SORBS2: variants seen among roughly 807,000 people sequenced by gnomAD.
The protein encoded by SORBS2 is sorbin and SH3 domain containing 2.
A neutral mutation model predicts 97.7 loss-of-function variants in SORBS2; 46 were observed. The ratio of observed to expected loss-of-function variants is 0.47; its 90% confidence interval spans 0.37 to 0.60. The LOEUF (loss-of-function observed/expected upper bound fraction) is 0.60. SORBS2 is among the 20% of genes least tolerant of loss of function. The probability of loss-of-function intolerance (pLI) is 0.00; values close to 1 mark genes in which losing one functional copy is unlikely to be tolerated. For synonymous variants in SORBS2, 476 were observed against 473.4 expected (o/e 1.01, Z -0.07); for missense variants, 1,316 against 1,282.3 (o/e 1.03, Z -0.40).
intron 12 of SORBS2, among the ~76,000 whole-genome samples, chr4:185,595,190 T>G (rs933331438): frequency 2.6e-5 from 4 of 152,184 alleles, no homozygotes; most frequent in Non-Finnish European, 5.9e-5. Context: ...AACTGTAAGC[T>G]CTGACTCGGT....
chr4:185,867,740 A>C (rs2099227781), intron 1 of SORBS2, among the ~76,000 whole-genome samples: 1 of 152,050 alleles, frequency 6.6e-6, no homozygotes, highest in African/African-American at 2.4e-5. Flanking sequence ...AGGCATTAGG[A>C]CAGATGTAGT....
intron 4 of SORBS2, 37 bp from the exon 16 acceptor site, chr4:185,635,448 G>A: frequency 6.6e-7 from 1 of 1,509,658 alleles, no homozygotes. Context: ...GAAGTGTAGG[G>A]ATGGAATGGA....
At chr4:185,824,527 C>T (rs2099198692) in intron 1 of SORBS2, among the ~76,000 whole-genome samples, 1 of 152,132 alleles carries the variant, frequency 6.6e-6, no homozygotes, top group Admixed American at 6.5e-5. Flanking sequence ...TATGGTGTTA[C>T]AGCTATAATC....
intron 1 of SORBS2, among the ~76,000 whole-genome samples, chr4:185,934,653 G>T (rs979511063): frequency 1.3e-5 from 2 of 151,752 alleles, no homozygotes; most frequent in African/African-American, 4.8e-5. Flanking sequence ...ACATGGTGGC[G>T]GGCCCCTGTA....
At chr4:185,611,821 T>C (rs1296965433) in exon 12 of SORBS2, 1 of 1,614,000 alleles carries the variant, frequency 6.2e-7, no homozygotes, top group Non-Finnish European at 8.5e-7. Flanking sequence ...CTAGAATAGC[T>C]GTGGGGTATT....
At chr4:185,638,579 A>C (rs998500300) in intron 4 of SORBS2, among the ~76,000 whole-genome samples, 1 of 150,070 alleles carries the variant, frequency 6.7e-6, no homozygotes, top group African/African-American at 2.4e-5. Flanking sequence ...CCCTGCCCTC[A>C]TTGGTGGCTA....
At chr4:185,890,885 A>G (rs967399078) in intron 1 of SORBS2, among the ~76,000 whole-genome samples, 2 of 152,204 alleles carry the variant, frequency 1.3e-5, no homozygotes, top group Non-Finnish European at 2.9e-5. Context: ...ACAAAACTAT[A>G]AGAAACATTT....
rs117021623 is a variant in SORBS2 at position 185,617,998 on chromosome 4, A to G, written c.2351+587T>C. Among the ~76,000 whole-genome samples the G allele has an allele frequency of 4.6e-3, 707 of 152,242 alleles. 22 individuals are homozygous for G. In the East Asian group the frequency reaches 0.092, roughly 20 times the overall value. On this transcript the variant is annotated intron_variant, in intron 9 of 14. Transcript: ENST00000418609. ...ACTTATTCATTCTTTTTTTTGAGAC[A>G]GGGTCCTGCTCTGTTGCCCAGGCTA...
chr4:185,600,032 A>G (rs2153378625), intron 12 of SORBS2, among the ~76,000 whole-genome samples: 1 of 152,360 alleles, frequency 6.6e-6, no homozygotes, highest in South Asian at 2.1e-4. Context: ...TACCCAGGAC[A>G]CATATCTCGC....
At chr4:185,612,025 A>G in intron 11 of SORBS2, 45 bp from the exon 24 acceptor site, 1 of 1,254,286 alleles carries the variant, frequency 8.0e-7, no homozygotes, top group Non-Finnish European at 1.2e-6. Flanking sequence ...GAGATAGAAT[A>G]ACATGAAAAT....
At chr4:185,893,297 T>C (rs10022925) in intron 1 of SORBS2, among the ~76,000 whole-genome samples, 5,326 of 152,172 alleles carry the variant, frequency 0.035, 280 homozygotes, top group African/African-American at 0.11. Flanking sequence ...CATCTGCGAG[T>C]GTGAGCCTGG....
At chr4:185,634,367 T>G (rs949814248) in intron 4 of SORBS2, among the ~76,000 whole-genome samples, 4 of 152,156 alleles carry the variant, frequency 2.6e-5, no homozygotes, top group Admixed American at 2.6e-4. Flanking sequence ...AAATAAGATA[T>G]TTATTGTGTT....
intron 2 of SORBS2, among the ~76,000 whole-genome samples, chr4:185,651,165 T>G (rs1473310397): frequency 6.6e-6 from 1 of 152,090 alleles, no homozygotes; most frequent in African/African-American, 2.4e-5. Context: ...CAGGAGAAAG[T>G]GATGAAGGGA....
chr4:185,713,291 C>A (rs147165732), intron 2 of SORBS2, among the ~76,000 whole-genome samples: 1 of 152,206 alleles, frequency 6.6e-6, no homozygotes, highest in Non-Finnish European at 1.5e-5. Context: ...TATGCTCCAG[C>A]ACCTCTGTAT....
intron 1 of SORBS2, among the ~76,000 whole-genome samples, chr4:185,942,652 T>C (rs1299453088): frequency 6.6e-6 from 1 of 152,124 alleles, no homozygotes; most frequent in Non-Finnish European, 1.5e-5. Flanking sequence ...CATGGCCCCA[T>C]ATTTTCTTTA....
exon 3 of SORBS2, chr4:185,649,560 T>A: frequency 1.2e-6 from 2 of 1,605,864 alleles, no homozygotes; most frequent in Non-Finnish European, 1.7e-6. Context: ...CTTAAAGGCA[T>A]TGGGGCTGTT....
intron 1 of SORBS2, among the ~76,000 whole-genome samples, chr4:185,834,708 A>G (rs1314117685): frequency 1.3e-5 from 2 of 152,194 alleles, no homozygotes; most frequent in South Asian, 4.1e-4. Flanking sequence ...CTCAAAAGTG[A>G]TTTTTAATTA....
intron 2 of SORBS2, among the ~76,000 whole-genome samples, chr4:185,711,665 CATATGTTGGGGTTTAGGCA>C (rs1168174268): frequency 8.5e-5 from 13 of 152,174 alleles, no homozygotes; most frequent in Non-Finnish European, 1.3e-4. Context: ...AAATTCCCAA[CATATGTTGGGGTTTAGGCA>C]ATAATATTTG....
intron 1 of SORBS2, among the ~76,000 whole-genome samples, chr4:185,864,113 A>C (rs747610869): frequency 4.6e-5 from 7 of 152,342 alleles, no homozygotes; most frequent in Middle Eastern, 3.4e-3. Flanking sequence ...ATGCCTTTTC[A>C]AGTTATAAAA....
Sources: allele counts gnomAD v4.1 joint callset (sites outside exome capture counted in the v4.1 genomes callset), GRCh38; gene constraint gnomAD v4.1.1; transcripts MANE v1.5; gene names NCBI Gene and HGNC (gene_info 2026-07-23, HGNC 2026-07-21).